The following CSMD3 variants were observed in gnomAD, a reference collection of about 807,000 sequenced individuals.
The protein encoded by CSMD3 is CUB and Sushi multiple domains 3.
CSMD3 carries 177 observed loss-of-function variants against 435.2 expected under a neutral mutation model. That is an observed-to-expected ratio of 0.41 (90% CI 0.36 to 0.46). The LOEUF is 0.46. Among genes scored for constraint, CSMD3 ranks in the 20% least tolerant of loss-of-function variants. CSMD3 has a pLI of 0.34. For synonymous variants in CSMD3, 1,656 were observed against 1,520.5 expected (o/e 1.09, Z -2.07); for missense variants, 4,265 against 4,504.6 (o/e 0.95, Z 1.52).
Position 112,736,362 on chromosome 8 carries a change from A to T in CSMD3, c.1973-46312T>A, listed in dbSNP as rs13261060. Among the ~76,000 whole-genome samples, 13 of 151,946 alleles carry T rather than the reference A, an allele frequency of 8.6e-5. No homozygotes were observed. In the Admixed American group the frequency reaches 8.6e-4, roughly 10 times the overall value. ...CCCCTTCCCATGTTATCTAGGTTTA[A>T]TCATGCTCTGACCTCCTGCCTTGAC... On this transcript the variant is annotated intron_variant, in intron 13 of 70. Coordinates refer to ENST00000297405, the MANE Select transcript of CSMD3 (RefSeq NM_198123.2).
chr8:113,011,691 T>G (rs1046095640), intron 6 of CSMD3, among the ~76,000 whole-genome samples: 19 of 151,810 alleles, frequency 1.3e-4, no homozygotes, highest in African/African-American at 4.1e-4. Context: ...AGGAAAAATA[T>G]AATTTAAAAT....
In CSMD3 at chr8:113,224,607, T is replaced by A. The variant is rs938039309; in HGVS notation, c.515-50691A>T. On this transcript the variant is annotated intron_variant, in intron 3 of 70. Transcript: ENST00000297405. ...TACATTAGAGGCAACTAAAATATGT[T>A]ATTACATGGATATCACACTGCAATA... 2.6e-5 allele frequency among the ~76,000 whole-genome samples: 4 copies of A among 151,284 alleles called. No homozygotes were observed. The East Asian group carries it at 7.8e-4, about 29-fold the overall frequency.
At chr8:112,636,422 A>G (rs913434214) in intron 22 of CSMD3, among the ~76,000 whole-genome samples, 1 of 152,116 alleles carries the variant, frequency 6.6e-6, no homozygotes, top group Non-Finnish European at 1.5e-5. Flanking sequence ...TATACTATCA[A>G]TAGAATACAA....
At chr8:112,875,830 AAGGT>A (rs1380640229) in intron 10 of CSMD3, among the ~76,000 whole-genome samples, 2 of 151,818 alleles carry the variant, frequency 1.3e-5, no homozygotes, top group Non-Finnish European at 2.9e-5. Context: ...GCCTTTTTTC[AAGGT>A]TCTTAGCTTC....
chr8:113,256,041 T>C (rs953022984), intron 3 of CSMD3, among the ~76,000 whole-genome samples: 1 of 152,056 alleles, frequency 6.6e-6, no homozygotes, highest in Non-Finnish European at 1.5e-5. Flanking sequence ...GAAGATGCAT[T>C]TACTCAAATG....
chr8:112,269,743 G>T (rs1024863), intron 59 of CSMD3, among the ~76,000 whole-genome samples: 9,149 of 152,230 alleles, frequency 0.06, 373 homozygotes, highest in Middle Eastern at 0.13. Context: ...CTCTCTGTCT[G>T]AACATCATAG....
Position 112,906,023 on chromosome 8 carries a change from AAT to A in CSMD3, c.1633+15602_1633+15603del, listed in dbSNP as rs1485426394. 2.6e-5 allele frequency among the ~76,000 whole-genome samples: 4 copies of A among 151,500 alleles called. No homozygotes were observed. In the East Asian group the frequency reaches 7.9e-4, roughly 30 times the overall value. On this transcript the variant is annotated intron_variant, in intron 10 of 70. Coordinates refer to ENST00000297405, the MANE Select transcript of CSMD3 (RefSeq NM_198123.2). ...TAGCTCTTCCTCTTTTTACTATGTG[AAT>A]ATATAAAAAGAAGTCAGCTGTCTGC...
At chr8:112,447,468 T>G (rs1283339004) in intron 32 of CSMD3, among the ~76,000 whole-genome samples, 1 of 152,154 alleles carries the variant, frequency 6.6e-6, no homozygotes, top group Non-Finnish European at 1.5e-5. Flanking sequence ...ATCACTGTAG[T>G]TCCTGAAACT....
At chr8:113,418,398 G>T (rs2094592489) in intron 1 of CSMD3, among the ~76,000 whole-genome samples, 2 of 152,198 alleles carry the variant, frequency 1.3e-5, no homozygotes, top group Admixed American at 6.5e-5. Flanking sequence ...CTTCTAATAA[G>T]ACTGAGCCGT....
At chr8:112,572,353 A>T (rs1253730690) in intron 24 of CSMD3, among the ~76,000 whole-genome samples, 1 of 152,108 alleles carries the variant, frequency 6.6e-6, no homozygotes, top group Non-Finnish European at 1.5e-5. Context: ...TAACAGGTAG[A>T]AAGAAAAGCA....
At chr8:112,865,686 CCA>C (rs3220985) in intron 10 of CSMD3, among the ~76,000 whole-genome samples, 1,243 of 43,128 alleles carry the variant, frequency 0.029, 8 homozygotes, top group South Asian at 0.064. Context: ...TTTACATACC[CCA>C]CACACACACA....
intron 3 of CSMD3, among the ~76,000 whole-genome samples, chr8:113,186,067 C>T (rs1008868109): frequency 1.3e-5 from 2 of 152,050 alleles, no homozygotes; most frequent in Non-Finnish European, 2.9e-5. Context: ...TGTATCCACT[C>T]ATTTCATGGA....
chr8:112,545,434 G>T (rs1315195719), intron 27 of CSMD3, among the ~76,000 whole-genome samples: 1 of 131,142 alleles, frequency 7.6e-6, no homozygotes, highest in African/African-American at 2.9e-5. Flanking sequence ...AGTGACCCAA[G>T]ATCGTGCCAC....
chr8:112,714,578 A>G (rs2076682521), intron 13 of CSMD3, among the ~76,000 whole-genome samples: 2 of 152,214 alleles, frequency 1.3e-5, no homozygotes, highest in African/African-American at 4.8e-5. Flanking sequence ...GGTGGACCTA[A>G]TCAACATCTA....
At chr8:112,551,955 G>A (rs1827724027) in intron 26 of CSMD3, among the ~76,000 whole-genome samples, 1 of 152,124 alleles carries the variant, frequency 6.6e-6, no homozygotes, top group Non-Finnish European at 1.5e-5. Context: ...GCCTGTGATA[G>A]CTTTGGAAGT....
At chr8:112,727,313 G>T (rs1413645451) in intron 13 of CSMD3, among the ~76,000 whole-genome samples, 1 of 151,666 alleles carries the variant, frequency 6.6e-6, no homozygotes, top group Non-Finnish European at 1.5e-5. Flanking sequence ...GCAATTAATT[G>T]GTTGTAGTGC....
At chr8:112,740,708 A>G (rs1021883912) in intron 13 of CSMD3, among the ~76,000 whole-genome samples, 11 of 152,020 alleles carry the variant, frequency 7.2e-5, no homozygotes, top group South Asian at 2.1e-4. Flanking sequence ...GAAGTGCTTG[A>G]CAGACATGGT....
chr8:113,153,805 G>A (rs1031006936), intron 4 of CSMD3, among the ~76,000 whole-genome samples: 1 of 151,890 alleles, frequency 6.6e-6, no homozygotes, highest in Non-Finnish European at 1.5e-5. Context: ...CTCTACACAC[G>A]TATTTGGAGT....
intron 13 of CSMD3, among the ~76,000 whole-genome samples, chr8:112,797,586 T>C (rs900863179): frequency 6.6e-6 from 1 of 151,922 alleles, no homozygotes; most frequent in East Asian, 1.9e-4. Context: ...TACTGTCTCA[T>C]GCAAAATCTA....
Sources: gnomAD v4.1 joint callset for allele counts (sites outside exome capture counted in the v4.1 genomes callset) on GRCh38, gnomAD v4.1.1 for gene constraint, MANE v1.5 for transcripts, NCBI Gene and HGNC (gene_info 2026-07-23, HGNC 2026-07-21) for gene names.